The following LARS2 variants were observed in gnomAD, a reference collection of about 807,000 sequenced individuals.
LARS2 encodes leucyl-tRNA synthetase 2, mitochondrial.
LARS2 carries 81 observed loss-of-function variants against 116.6 expected under a neutral mutation model. The ratio of observed to expected loss-of-function variants is 0.69; its 90% CI spans 0.58 to 0.84. The LOEUF is 0.84. LARS2 is among the 40% of genes least tolerant of loss of function. The pLI, the probability that LARS2 is intolerant of heterozygous loss-of-function variation, is 0.00. For missense variants in LARS2, 968 were observed against 1,114.5 expected (o/e 0.87, Z 1.87); for synonymous variants, 396 against 407.2 (o/e 0.97, Z 0.33).
intron 16 of LARS2, among the ~76,000 whole-genome samples, chr3:45,514,222 G>A (rs1239648516): frequency 6.6e-6 from 1 of 151,692 alleles, no homozygotes; most frequent in Non-Finnish European, 1.5e-5. Flanking sequence ...AAAAAAGAAA[G>A]AAAGAAAACA....
chr3:45,533,690 A>G (rs1304718908), intron 20 of LARS2, among the ~76,000 whole-genome samples: 1 of 152,124 alleles, frequency 6.6e-6, no homozygotes, highest in Non-Finnish European at 1.5e-5. Flanking sequence ...CATCTGGAAT[A>G]CAGGGGTCAG....
chr3:45,465,885 C>A (rs1410853504), intron 8 of LARS2, among the ~76,000 whole-genome samples: 10 of 152,140 alleles, frequency 6.6e-5, no homozygotes, highest in Non-Finnish European at 1.2e-4. Context: ...TGACTTCTTG[C>A]GCACACTCCA....
At chr3:45,529,022 C>A (rs1301168405) in intron 20 of LARS2, among the ~76,000 whole-genome samples, 1 of 152,080 alleles carries the variant, frequency 6.6e-6, no homozygotes, top group Non-Finnish European at 1.5e-5. Context: ...GCACCTGCCA[C>A]CACGCCTGGC....
At chr3:45,520,126 AT>A in intron 18 of LARS2, 92 bp from the exon 19 acceptor site, 1 of 835,098 alleles carries the variant, frequency 1.2e-6, no homozygotes. Context: ...CATCCCATTC[AT>A]TTTCCTTTTT....
In LARS2 at chr3:45,547,335, CT is replaced by C; in HGVS notation, c.2533-12del. On this transcript the variant is annotated splice_polypyrimidine_tract_variant and intron_variant, in intron 21 of 21. Coordinates refer to ENST00000645846, the MANE Select transcript of LARS2 (RefSeq NM_015340.4). ...GGATGTTCCTCATTGTTTATCTTGG[CT>C]TTTCTCCTTCTCAGATCAACAATAA... The C allele has an allele frequency of 6.3e-7, 1 of 1,591,198 alleles. No homozygotes were observed. The highest frequency in any genetic ancestry group is 8.6e-7 in the Non-Finnish European group (1 of 1,169,278).
intron 19 of LARS2, among the ~76,000 whole-genome samples, chr3:45,523,281 C>T (rs1452837161): frequency 6.6e-6 from 1 of 152,152 alleles, no homozygotes; most frequent in Non-Finnish European, 1.5e-5. Context: ...TATAGAGGCC[C>T]CCCTGCCCTA....
intron 4 of LARS2, among the ~76,000 whole-genome samples, chr3:45,400,902 C>G (rs547527004): frequency 1.1e-3 from 174 of 152,202 alleles, no homozygotes; most frequent in Non-Finnish European, 2.0e-3. Context: ...CAACCTCCCC[C>G]TCCCGGGTTC....
At chr3:45,525,117 A>T (rs1389163724) in intron 20 of LARS2, among the ~76,000 whole-genome samples, 1 of 152,220 alleles carries the variant, frequency 6.6e-6, no homozygotes, top group Non-Finnish European at 1.5e-5. Flanking sequence ...TTGCTTCTTA[A>T]TTCCTCAGGA....
At chr3:45,400,416 G>A (rs777900391) in intron 4 of LARS2, 43 bp downstream of exon 4, 9 of 1,557,160 alleles carry the variant, frequency 5.8e-6, no homozygotes, top group South Asian at 1.2e-5. Context: ...TCTGCCACAC[G>A]CAGGGTTGGC....
At chr3:45,459,000 G>T in intron 8 of LARS2, 114 bp downstream of exon 8, 1 of 1,047,972 alleles carries the variant, frequency 9.5e-7, no homozygotes, top group Non-Finnish European at 1.4e-6. Flanking sequence ...GGAAGGGCTG[G>T]GAGCCATGGA....
At chr3:45,439,428 C>T (rs1698867297) in intron 6 of LARS2, among the ~76,000 whole-genome samples, 1 of 151,796 alleles carries the variant, frequency 6.6e-6, no homozygotes, top group Admixed American at 6.6e-5. Context: ...ACAATGTTGG[C>T]CAGGCTGTTC....
intron 6 of LARS2, among the ~76,000 whole-genome samples, chr3:45,444,769 A>G (rs911307880): frequency 4.0e-5 from 6 of 150,256 alleles, no homozygotes; most frequent in Admixed American, 4.0e-4. Flanking sequence ...ACATATTTGT[A>G]TATTTTATAT....
At chr3:45,405,312 T>C (rs1275171208) in intron 4 of LARS2, among the ~76,000 whole-genome samples, 1 of 152,176 alleles carries the variant, frequency 6.6e-6, no homozygotes, top group East Asian at 1.9e-4. Context: ...CTACAGCCTA[T>C]AAGACCTAAC....
Position 45,399,970 on chromosome 3 carries a change from CA to C in LARS2, c.235-269del, listed in dbSNP as rs201088871. Among the ~76,000 whole-genome samples, 1,307 of 151,504 alleles carry C rather than the reference CA, an allele frequency of 8.6e-3. 21 individuals are homozygous for C. Among genetic ancestry groups the C allele is most frequent in the South Asian group, 0.03 (144 of 4,790 alleles). On this transcript the variant is annotated intron_variant, in intron 3 of 21. Coordinates refer to ENST00000645846, the MANE Select transcript of LARS2 (RefSeq NM_015340.4). The stretch of plus-strand genomic sequence containing the variant: ...GCAAATACTGTTAATTCATTCCTTT[CA>C]AAAAATAAGTTTTTAAAAGAGAAAA...
intron 4 of LARS2, among the ~76,000 whole-genome samples, chr3:45,409,008 T>G (rs2125680743): frequency 6.6e-6 from 1 of 152,328 alleles, no homozygotes; most frequent in Non-Finnish European, 1.5e-5. Flanking sequence ...GATGTCACAT[T>G]CCTATCTTTC....
chr3:45,462,636 A>G (rs1699350572), intron 8 of LARS2, among the ~76,000 whole-genome samples: 1 of 151,906 alleles, frequency 6.6e-6, no homozygotes, highest in Admixed American at 6.6e-5. Context: ...TGGAGGGGGG[A>G]AGAGGATGGG....
At chr3:45,477,282 C>T (rs1051376369) in intron 10 of LARS2, among the ~76,000 whole-genome samples, 3 of 152,214 alleles carry the variant, frequency 2.0e-5, no homozygotes, top group Non-Finnish European at 2.9e-5. Context: ...TGGGGAAGCC[C>T]GTTGCTAGAG....
At chr3:45,465,563 T>C (rs1416838465) in intron 8 of LARS2, among the ~76,000 whole-genome samples, 2 of 152,132 alleles carry the variant, frequency 1.3e-5, no homozygotes, top group Admixed American at 6.5e-5. Context: ...GGGAGTAAAA[T>C]CTTTAATAAC....
intron 20 of LARS2, chr3:45,538,591 G>A (rs191666153): frequency 3.9e-5 from 6 of 152,312 alleles, no homozygotes; most frequent in South Asian, 2.1e-4. Context: ...CAAAAGCCCC[G>A]GGCCACAGGA....
Sources: gnomAD v4.1 joint callset for allele counts (sites outside exome capture counted in the v4.1 genomes callset) on GRCh38, gnomAD v4.1.1 for gene constraint, MANE v1.5 for transcripts, NCBI Gene and HGNC (gene_info 2026-07-23, HGNC 2026-07-21) for gene names.